The following TNS1 variants were observed in gnomAD, a reference collection of about 807,000 sequenced individuals.
TNS1 encodes the protein tensin-1.
Under a neutral mutation model 168.6 loss-of-function variants are expected in TNS1, and 62 were observed. That is an observed-to-expected ratio of 0.37 (90% CI 0.30 to 0.45). TNS1 has a LOEUF of 0.45. Ranked by LOEUF, TNS1 falls within the 20% of genes least tolerant of loss-of-function variation. The pLI is 1.00. For synonymous variants in TNS1, 934 were observed against 933.2 expected, an observed-to-expected ratio of 1.00 and a Z score of -0.02; for missense variants, 2,240 against 2,339.4, an observed-to-expected ratio of 0.96 and a Z score of 0.88.
At position 217,900,447 on chromosome 2, in the gene TNS1, C is replaced by A. The variant is rs12468962; in HGVS notation, c.371+16G>T. The A allele has an allele frequency of 4.6e-6, 7 of 1,534,820 alleles. No homozygotes were observed. Among genetic ancestry groups the A allele is most frequent in the South Asian group, 1.2e-5 (1 of 83,974 alleles). On this transcript the variant is annotated intron_variant, in intron 7 of 32. Coordinates refer to ENST00000682258, the MANE Select transcript of TNS1 (RefSeq NM_001387777.1). ...TGCTTGCACTCCCGCCCCCTGCCCCCACGGGCCAGGCATACCTGATGGGCT... is the reference window on the plus strand; with the variant it reads ...TGCTTGCACTCCCGCCCCCTGCCCCAACGGGCCAGGCATACCTGATGGGCT...
intron 3 of TNS1, among the ~76,000 whole-genome samples, chr2:217,942,267 C>T (rs576703767): frequency 5.8e-4 from 88 of 152,306 alleles, no homozygotes; most frequent in Non-Finnish European, 1.1e-3. Context: ...GGCTCCCAGC[C>T]CTGGTGCTCG....
At chr2:218,013,651 C>T (rs938830873), upstream of TNS1, among the ~76,000 whole-genome samples, 2 of 152,178 alleles carry the variant, frequency 1.3e-5, no homozygotes, top group Non-Finnish European at 2.9e-5. Flanking sequence ...CTCCAGGCTC[C>T]CACAAACCCT....
At chr2:217,890,181 C>G (rs1182863205) in intron 12 of TNS1, 1 of 152,252 alleles carries the variant, frequency 6.6e-6, no homozygotes, top group Non-Finnish European at 1.5e-5. Context: ...AGTTTAGGCT[C>G]AAATTCACCC....
intron 2 of TNS1, among the ~76,000 whole-genome samples, chr2:217,985,128 C>G (rs997275862): frequency 6.6e-6 from 1 of 151,340 alleles, no homozygotes; most frequent in African/African-American, 2.4e-5. Context: ...TATGTGTGAC[C>G]CAAGACAATT....
rs1942355200 is a variant in TNS1 at position 217,818,777 on chromosome 2, G to A, written c.3573-18C>T. ...CTGAAGTGCTGCAGAGAGATGGCAG[G>A]TTGCGATGTCAGTGGACAGAACTGA... On this transcript the variant is annotated intron_variant, in intron 23 of 32. Coordinates refer to ENST00000682258, the MANE Select transcript of TNS1 (RefSeq NM_001387777.1). 1 of 1,588,638 alleles carries A rather than the reference G, an allele frequency of 6.3e-7. No individual in the cohort carries two copies. The highest frequency in any genetic ancestry group is 1.1e-5 in the South Asian group (1 of 88,786).
chr2:217,933,546 A>G (rs979860593), intron 3 of TNS1, among the ~76,000 whole-genome samples: 2 of 152,158 alleles, frequency 1.3e-5, no homozygotes, highest in African/African-American at 4.8e-5. Flanking sequence ...GGCCCCAAGC[A>G]CAGCCAATTC....
rs367726103 is a variant in TNS1, at chr2:217,848,516, G to A, written c.2001C>T (p.Asn667=). 61 of 1,613,602 alleles carry A rather than the reference G, an allele frequency of 3.8e-5. 1 individual carries two copies. Among genetic ancestry groups the A allele is most frequent in the Admixed American group, 1.3e-4 (8 of 59,998 alleles). Residue 667 remains asparagine (N), a synonymous_variant, in exon 19 of 33, where the codon AAC becomes AAT. Transcript: ENST00000682258. Reference sequence around the variant, plus strand: ...CCATGGGGTAGGACTTGTCCAGACCGTTGGTCAGTGGGGACAGGGCCTCTG... The same window carrying A: ...CCATGGGGTAGGACTTGTCCAGACCATTGGTCAGTGGGGACAGGGCCTCTG... ...GYPEALSPLT[N]GLDKSYPMEP...
At chr2:217,949,057 G>T (rs942416131) in intron 3 of TNS1, among the ~76,000 whole-genome samples, 1 of 152,148 alleles carries the variant, frequency 6.6e-6, no homozygotes, top group East Asian at 1.9e-4. Context: ...CTCTCACCCT[G>T]CCTGTTTCTA....
chr2:217,884,283 G>T (rs1461706978), intron 16 of TNS1, among the ~76,000 whole-genome samples: 2 of 151,850 alleles, frequency 1.3e-5, no homozygotes, highest in Non-Finnish European at 1.5e-5. Flanking sequence ...GGATGGGTGG[G>T]TGGATGGATG....
chr2:217,922,396 A>T (rs936687427), intron 3 of TNS1, among the ~76,000 whole-genome samples: 4 of 151,988 alleles, frequency 2.6e-5, no homozygotes, highest in Non-Finnish European at 5.9e-5. Context: ...AGGGAGTACA[A>T]TTCCCAGGAC....
At chr2:217,965,399 A>T (rs1957600204) in intron 3 of TNS1, among the ~76,000 whole-genome samples, 1 of 152,166 alleles carries the variant, frequency 6.6e-6, no homozygotes, top group Admixed American at 6.5e-5. Flanking sequence ...GCCTGATACA[A>T]CAAGGTTCAT....
chr2:217,865,417 G>A (rs577465730), intron 18 of TNS1, among the ~76,000 whole-genome samples: 1 of 152,192 alleles, frequency 6.6e-6, no homozygotes, highest in Non-Finnish European at 1.5e-5. Context: ...TCTGCTTCTC[G>A]AAGGTTCTCA....
At chr2:217,822,004 C>CG in intron 22 of TNS1, 66 bp from the exon 23 acceptor site, 2 of 1,464,466 alleles carry the variant, frequency 1.4e-6, no homozygotes, top group Middle Eastern at 1.7e-4. Context: ...AGGTCCCCCC[C>CG]AACCTCCCCT....
intron 3 of TNS1, among the ~76,000 whole-genome samples, chr2:217,966,702 G>T (rs1295184374): frequency 6.6e-6 from 1 of 152,178 alleles, no homozygotes; most frequent in African/African-American, 2.4e-5. Flanking sequence ...TCACTGAACA[G>T]CACAAGGGAA....
intron 1 of TNS1, among the ~76,000 whole-genome samples, chr2:218,002,532 G>A (rs1173892950): frequency 7.3e-6 from 1 of 136,174 alleles, no homozygotes; most frequent in African/African-American, 2.7e-5. Context: ...AGGCTCTAAA[G>A]AGAAGCAAAC....
chr2:217,836,188 G>A lies in TNS1; in HGVS notation c.3031C>T (p.Pro1011Ser), dbSNP rs1394430360. The change falls in exon 20 of 33, where the codon CCT becomes TCT. Residue 1011 changes from proline (P) to serine (S), a missense_variant. By Grantham distance (74) the Pro-to-Ser change is moderately conservative (BLOSUM62 -1). Around this residue, in one of 2 missense-constraint regions of TNS1, gnomAD observed 2,131 missense variants for 2,171.2 expected, o/e 0.98. Coordinates refer to ENST00000682258, the MANE Select transcript of TNS1 (RefSeq NM_001387777.1). ...CGCAGAGGGGCTGGGGGCTCTGCAGGCTGCTTCTCCCGAGCCTGTACCCCT... is the reference window on the plus strand; with the variant it reads ...CGCAGAGGGGCTGGGGGCTCTGCAGACTGCTTCTCCCGAGCCTGTACCCCT... ...VAGVQAREKQPAEPPAPLRRR... is the reference protein window; with the variant it reads ...VAGVQAREKQSAEPPAPLRRR... 6.2e-7 allele frequency: 1 copy of A among 1,612,394 alleles called. No individual in the cohort carries two copies. Among genetic ancestry groups the A allele is most frequent in the South Asian group, 1.1e-5 (1 of 91,004 alleles).
rs569231750 is a variant in TNS1 at position 217,880,160 on chromosome 2, G to C, written c.1429+738C>G. ...GGCTCTGGGCATGCTCACTTTCGGA[G>C]CCCGCCCCACGTCTCCTTACACATA... On this transcript the variant is annotated intron_variant, in intron 18 of 32. Coordinates refer to ENST00000682258, the MANE Select transcript of TNS1 (RefSeq NM_001387777.1). The surrounding 1 kb of genome is among the most constrained non-coding windows in gnomAD (Gnocchi z 4.2). Among the ~76,000 whole-genome samples the C allele has an allele frequency of 1.2e-3, 187 of 152,288 alleles. 1 individual carries two copies. The highest frequency in any genetic ancestry group is 4.2e-3 in the African/African-American group (174 of 41,562).
chr2:217,984,905 G>C (rs1326784714), intron 2 of TNS1, among the ~76,000 whole-genome samples: 1 of 151,500 alleles, frequency 6.6e-6, no homozygotes, highest in African/African-American at 2.4e-5. Context: ...ACAGGTGCTC[G>C]CCACCATACC....
At position 217,991,328 on chromosome 2, in the gene TNS1, T is replaced by C. The variant is rs1958361280; in HGVS notation, c.34-272A>G. On this transcript the variant is annotated intron_variant, in intron 1 of 32. Transcript: ENST00000682258. ...CTGCAGCCCCCGCATGGCTCCTACC[T>C]TGGCTTTTTTTCATTTATTATGAAG... Among the ~76,000 whole-genome samples the C allele has an allele frequency of 1.3e-5, 2 of 151,970 alleles. 1 individual carries two copies. The highest frequency in any genetic ancestry group is 4.2e-4 in the South Asian group (2 of 4,812).
Sources: gnomAD v4.1 joint callset for allele counts (sites outside exome capture counted in the v4.1 genomes callset) on GRCh38, gnomAD v4.1.1 for gene constraint, gnomAD v4.1.1 regional missense constraint, Gnocchi (gnomAD v3.1) non-coding constraint, MANE v1.5 for transcripts, NCBI Gene and HGNC (gene_info 2026-07-23, HGNC 2026-07-21) for gene names.